Variants in LGALS12 observed in about 807,000 individuals in gnomAD.
LGALS12 encodes galectin 12.
Under a neutral mutation model 36.8 loss-of-function variants are expected in LGALS12, and 36 were observed. That is an observed-to-expected ratio of 0.98 (90% CI 0.75 to 1.29). The LOEUF (loss-of-function observed/expected upper bound fraction) is 1.29, where lower values mean the gene tolerates loss of function less well. Among genes scored for constraint, LGALS12 ranks in the 50% most tolerant of loss-of-function variants. LGALS12 has a pLI of 0.00. For synonymous variants in LGALS12, 145 were observed against 155.9 expected (o/e 0.93, Z 0.52); for missense variants, 366 against 394.3 (o/e 0.93, Z 0.61).
intron 1 of LGALS12, 152 bp from the exon 2 acceptor site, chr11:63,508,401 T>C (rs937921080): frequency 8.3e-6 from 12 of 1,453,734 alleles, no homozygotes; most frequent in Admixed American, 5.5e-5. Flanking sequence ...AAGAAAATAT[T>C]TCAGTGAACA....
chr11:63,511,534 G>A (rs1460237151), intron 6 of LGALS12, among the ~76,000 whole-genome samples: 5 of 152,150 alleles, frequency 3.3e-5, no homozygotes, highest in East Asian at 3.8e-4. Context: ...CATGGTGGTC[G>A]GGACACAGAG....
At chr11:63,511,367 G>T (rs670784) in intron 6 of LGALS12, among the ~76,000 whole-genome samples, 1 of 152,218 alleles carries the variant, frequency 6.6e-6, no homozygotes, top group Non-Finnish European at 1.5e-5. Context: ...TCCACTTATT[G>T]TGAACATCAT....
At chr11:63,514,050 C>T (rs1007821300) in intron 7 of LGALS12, among the ~76,000 whole-genome samples, 4 of 152,214 alleles carry the variant, frequency 2.6e-5, no homozygotes, top group African/African-American at 9.7e-5. Context: ...GTCCACTCTC[C>T]AGGGTTCCTG....
At position 63,510,449 on chromosome 11, in the gene LGALS12, C is replaced by G. The variant is rs774412250; in HGVS notation, c.493-14C>G. On this transcript the variant is annotated splice_polypyrimidine_tract_variant and intron_variant, in intron 4 of 8. Coordinates refer to ENST00000394618, the MANE Select transcript of LGALS12 (RefSeq NM_033101.4). ...TCCTAAATGCTGCTGATTCTTTTCT[C>G]TCTTTCTGAACAGCCATTTGTGGAG... 7 of 1,613,896 alleles carry G rather than the reference C, an allele frequency of 4.3e-6. No individual in the cohort carries two copies. The highest frequency in any genetic ancestry group is 5.9e-6 in the Non-Finnish European group (7 of 1,179,842).
At chr11:63,510,435 G>A (rs2016882360) in intron 4 of LGALS12, 28 bp from the exon 5 acceptor site, 1 of 1,613,400 alleles carries the variant, frequency 6.2e-7, no homozygotes, top group Non-Finnish European at 8.5e-7. Flanking sequence ...CCTAAATGCT[G>A]CTGATTCTTT....
In LGALS12 at chr11:63,506,398, T is replaced by A; in HGVS notation, c.-61T>A. ...TAGGACCCTGACTGGGGCAGATGAG[T>A]CAGCCCAGTGGGGGCAGGGCTCCTG... is the stretch of plus-strand genomic sequence containing the variant. On this transcript the variant is annotated 5_prime_UTR_variant, in exon 1 of 9. Transcript: ENST00000394618. 1 of 1,614,158 alleles carries A rather than the reference T, an allele frequency of 6.2e-7. No individual in the cohort carries two copies. Among genetic ancestry groups the A allele is most frequent in the Non-Finnish European group, 8.5e-7 (1 of 1,180,022 alleles).
Position 63,511,797 on chromosome 11 carries a change from C to A in LGALS12, c.604C>A (p.Gln202Lys), listed in dbSNP as rs375475918. 1 of 1,613,630 alleles carries A rather than the reference C, an allele frequency of 6.2e-7. No homozygotes were observed. The highest frequency in any genetic ancestry group is 1.3e-5 in the African/African-American group (1 of 74,916). The change falls in exon 7 of 9, where the codon CAG (glutamine) becomes AAG (lysine). Residue 202 changes from glutamine (Q) to lysine (K), a missense_variant. Transcript: ENST00000394618. ...HALPQGLSPG[Q>K]VIIVRGLVLQ... ...TCTTCCCCAGGGTCTCTCGCCTGGG[C>A]AGGTCATCATAGTACGGGGACTGGT...
At chr11:63,514,144 C>G (rs1352768339) in intron 7 of LGALS12, among the ~76,000 whole-genome samples, 1 of 152,220 alleles carries the variant, frequency 6.6e-6, no homozygotes, top group African/African-American at 2.4e-5. Context: ...CTGTAAGGAT[C>G]TACCAATAGC....
At chr11:63,513,310 G>A (rs2016982259) in intron 7 of LGALS12, among the ~76,000 whole-genome samples, 1 of 152,180 alleles carries the variant, frequency 6.6e-6, no homozygotes, top group Non-Finnish European at 1.5e-5. Context: ...AAGGTTACTA[G>A]TGACATAGTC....
In LGALS12 at chr11:63,508,974, G is replaced by C; in HGVS notation, c.355G>C (p.Gly119Arg). ...CAGCTTCCTCATCCTCTTTCTCTTCGGGAATGAGGAAGTGAAGGTGAAGGA... is the reference window on the plus strand; with the variant it reads ...CAGCTTCCTCATCCTCTTTCTCTTCCGGAATGAGGAAGTGAAGGTGAAGGA... ...GSSFLILFLF[G>R]NEEVKVSVNG... Residue 119 changes from glycine to arginine, a missense_variant, in exon 3 of 9, where the codon GGG becomes CGG. Coordinates refer to ENST00000394618, the MANE Select transcript of LGALS12 (RefSeq NM_033101.4). The C allele has an allele frequency of 1.2e-6, 2 of 1,613,978 alleles. No homozygotes were observed. Among genetic ancestry groups the C allele is most frequent in the South Asian group, 1.1e-5 (1 of 91,064 alleles).
intron 7 of LGALS12, among the ~76,000 whole-genome samples, chr11:63,512,561 C>T (rs1414197951): frequency 6.6e-6 from 1 of 152,014 alleles, no homozygotes; most frequent in African/African-American, 2.4e-5. Flanking sequence ...GAGGCCGAGG[C>T]GGGTGGATCA....
In LGALS12 at chr11:63,516,495, T is replaced by A. The variant is rs996323683; in HGVS notation, c.*102T>A. 1.5e-6 allele frequency: 2 copies of A among 1,360,736 alleles called. No homozygotes were observed. The highest frequency in any genetic ancestry group is 1.0e-6 in the Non-Finnish European group (1 of 970,760). 84.3% of individuals were successfully genotyped at this position (1,360,736 alleles called of 1,614,324 possible). A position where few individuals can be genotyped will look rare whatever the true frequency, so the allele number is the denominator to read the frequency against. On this transcript the variant is annotated 3_prime_UTR_variant, in exon 9 of 9. Transcript: ENST00000394618. The stretch of plus-strand genomic sequence containing the variant: ...AAACCATCCACCTGACACCAGCACA[T>A]CAGGCCTGGTTCACCTCTGGGGTCA...
rs1345838152 is a variant in LGALS12, at chr11:63,511,049, C to T, written c.532-30C>T. 4 of 1,611,322 alleles carry T rather than the reference C, an allele frequency of 2.5e-6. No individual in the cohort carries two copies. In the African/African-American group the frequency reaches 4.0e-5, roughly 16 times the overall value. ...CTTTTCCTGAGCAAATACCACATGG[C>T]CTTGTGTCCTCTCTTTCTTTCCCTG... On this transcript the variant is annotated intron_variant, in intron 5 of 8. Transcript: ENST00000394618.
chr11:63,511,034 G>T, intron 5 of LGALS12, 45 bp from the exon 6 acceptor site: 1 of 1,601,076 alleles, frequency 6.2e-7, no homozygotes. Context: ...CTTTTCCTGA[G>T]CAAATACCAC....
At chr11:63,516,147 G>A (rs555698703) in intron 8 of LGALS12, 100 bp from the exon 9 acceptor site, 5 of 1,435,218 alleles carry the variant, frequency 3.5e-6, no homozygotes, top group South Asian at 2.8e-5. Context: ...TCCAGTCTTC[G>A]TGTCCTATGA....
chr11:63,507,189 C>A (rs1470521826), intron 1 of LGALS12, among the ~76,000 whole-genome samples: 2 of 152,218 alleles, frequency 1.3e-5, no homozygotes, highest in African/African-American at 4.8e-5. Context: ...AAGCCTCCCT[C>A]CCATGCTTCT....
chr11:63,510,718 G>T (rs2120384308), intron 5 of LGALS12, among the ~76,000 whole-genome samples: 1 of 152,280 alleles, frequency 6.6e-6, no homozygotes, highest in African/African-American at 2.4e-5. Context: ...TGGGCTGCAT[G>T]CAGAGGGGGC....
At position 63,506,467 on chromosome 11, in the gene LGALS12, T is replaced by G; in HGVS notation, c.9T>G (p.Pro3=). ...GGAGTTGCCCCACTGTCATGTCACCTGGAGAAAAACTGGACCCAATTCCTG... is the reference window on the plus strand; with the variant it reads ...GGAGTTGCCCCACTGTCATGTCACCGGGAGAAAAACTGGACCCAATTCCTG... The part of the protein sequence containing the change: MS[P]GEKLDPIPDS... Residue 3 remains proline (P), a synonymous_variant, in exon 1 of 9, where the codon CCT becomes CCG. Transcript: ENST00000394618. The G allele has an allele frequency of 6.2e-7, 1 of 1,614,218 alleles. No homozygotes were observed. The highest frequency in any genetic ancestry group is 8.5e-7 in the Non-Finnish European group (1 of 1,180,024).
intron 7 of LGALS12, among the ~76,000 whole-genome samples, chr11:63,514,813 G>T (rs1205055526): frequency 1.3e-5 from 2 of 151,608 alleles, no homozygotes; most frequent in African/African-American, 4.9e-5. Flanking sequence ...ACTAGCTTCT[G>T]TAAAACACCT....
Sources: gnomAD v4.1 joint callset for allele counts (sites outside exome capture counted in the v4.1 genomes callset) on GRCh38, gnomAD v4.1.1 for gene constraint, MANE v1.5 for transcripts, NCBI Gene and HGNC (gene_info 2026-07-23, HGNC 2026-07-21) for gene names.